MRAP2: variants seen among roughly 807,000 people sequenced by gnomAD.
MRAP2 encodes the protein melanocortin 2 receptor accessory protein 2, also known as melanocortin-2 receptor accessory protein 2.
MRAP2 carries 20 observed loss-of-function variants against 17.4 expected under a neutral mutation model. That is an observed-to-expected ratio of 1.15 (90% CI 0.81 to 1.67). The LOEUF (loss-of-function observed/expected upper bound fraction) is 1.67. Ranked by LOEUF, MRAP2 falls within the 40% of genes most tolerant of loss-of-function variation. The pLI is 0.00. For missense variants in MRAP2, 238 were observed against 240.0 expected (o/e 0.99, Z 0.05); for synonymous variants, 96 against 88.4 (o/e 1.09, Z -0.48).
chr6:84,115,768 A>G, the MRAP2 span, among the ~76,000 whole-genome samples: 1 of 152,240 alleles, frequency 6.6e-6, no homozygotes, highest in African/African-American at 2.4e-5. Context: ...AAAGTACAAC[A>G]TCTGGGCTGG....
intron 1 of MRAP2, 79 bp from the exon 2 acceptor site, chr6:84,055,233 C>T (rs938088014): frequency 1.2e-5 from 18 of 1,503,672 alleles, no homozygotes; most frequent in Middle Eastern, 3.6e-4. Flanking sequence ...CTCCTGAATG[C>T]GATCAAGAGT....
At chr6:84,035,318 TG>T in intron 1 of MRAP2, 2 of 562,708 alleles carry the variant, frequency 3.6e-6, no homozygotes, top group Non-Finnish European at 4.5e-6. Context: ...CATTGAATCC[TG>T]GCAACATTCT....
the MRAP2 span, among the ~76,000 whole-genome samples, chr6:84,122,198 C>T: frequency 2.6e-5 from 4 of 151,600 alleles, no homozygotes; most frequent in Admixed American, 6.6e-5. Flanking sequence ...GGAAGGATGC[C>T]TCCCAAACTC....
chr6:84,122,585 T>C, the MRAP2 span, among the ~76,000 whole-genome samples: 4 of 152,018 alleles, frequency 2.6e-5, no homozygotes, highest in Non-Finnish European at 4.4e-5. Flanking sequence ...ATACCTCCAA[T>C]AATAAAAGCC....
rs1409581030 is a variant in MRAP2 at position 84,033,793 on chromosome 6, G to A, written c.-98G>A. On this transcript the variant is annotated 5_prime_UTR_variant, in exon 1 of 4. Transcript: ENST00000257776. The stretch of plus-strand genomic sequence containing the variant: ...AGCTACTCGCCCGGCCCTGGGCGGT[G>A]GGAGGCGGCGGCGGCGGCGGCGCTC... 1.4e-5 allele frequency: 14 copies of A among 986,602 alleles called. No homozygotes were observed. The highest frequency in any genetic ancestry group is 1.7e-5 in the Non-Finnish European group (14 of 830,940). The allele number at this position is 986,602 out of a possible 1,614,324, so 61.1% of individuals were successfully genotyped here. A position where few individuals can be genotyped will look rare whatever the true frequency, so the allele number is the denominator to read the frequency against.
At chr6:84,134,577 C>A in the MRAP2 span, among the ~76,000 whole-genome samples, 1 of 152,124 alleles carries the variant, frequency 6.6e-6, no homozygotes, top group Non-Finnish European at 1.5e-5. Flanking sequence ...CAGTCCCTCA[C>A]GGCTTCCCTT....
At chr6:84,114,014 T>C in the MRAP2 span, among the ~76,000 whole-genome samples, 1 of 152,224 alleles carries the variant, frequency 6.6e-6, no homozygotes, top group South Asian at 2.1e-4. Flanking sequence ...TTAACATTTT[T>C]TTTGTTAATT....
chr6:84,052,339 G>A (rs979306910), intron 1 of MRAP2, among the ~76,000 whole-genome samples: 3 of 152,062 alleles, frequency 2.0e-5, no homozygotes, highest in Admixed American at 1.3e-4. Context: ...CTGCGTGGGT[G>A]GCCGAGATCA....
chr6:84,059,696 C>T (rs2099492607), intron 2 of MRAP2, among the ~76,000 whole-genome samples: 1 of 152,160 alleles, frequency 6.6e-6, no homozygotes. Flanking sequence ...TTGTTCTACC[C>T]CTTTACAATA....
the MRAP2 span, among the ~76,000 whole-genome samples, chr6:84,111,321 A>C: frequency 6.6e-6 from 1 of 152,188 alleles, no homozygotes; most frequent in Non-Finnish European, 1.5e-5. Context: ...AGTCCTTCAG[A>C]TCCCTTGTAA....
chr6:84,046,055 C>A (rs1279326435), intron 1 of MRAP2, among the ~76,000 whole-genome samples: 1 of 152,188 alleles, frequency 6.6e-6, no homozygotes, highest in Non-Finnish European at 1.5e-5. Context: ...GTGATGTGAA[C>A]CGCCATGGAA....
At chr6:84,063,425 A>T (rs77337825) in intron 3 of MRAP2, 18,246 of 984,542 alleles carry the variant, frequency 0.019, 183 homozygotes, top group Non-Finnish European at 0.021. Context: ...GTTCCTGGAT[A>T]CTCAACTCAA....
At position 84,044,246 on chromosome 6, in the gene MRAP2, G is replaced by A. The variant is rs180839885; in HGVS notation, c.-8+10363G>A. 6.4e-3 allele frequency among the ~76,000 whole-genome samples: 977 copies of A among 152,292 alleles called. 16 individuals are homozygous for A. The highest frequency in any genetic ancestry group is 0.022 in the African/African-American group (914 of 41,554). Reference sequence around the variant, plus strand: ...TTGTTGCCCAGGCTGGAGTGCAATGGCATGATCTCAGCTCACCGCCACCTC... The same window carrying A: ...TTGTTGCCCAGGCTGGAGTGCAATGACATGATCTCAGCTCACCGCCACCTC... On this transcript the variant is annotated intron_variant, in intron 1 of 3. Coordinates refer to ENST00000257776, the MANE Select transcript of MRAP2 (RefSeq NM_138409.4).
chr6:84,040,680 T>A (rs1029323110), intron 1 of MRAP2, among the ~76,000 whole-genome samples: 2 of 152,178 alleles, frequency 1.3e-5, no homozygotes, highest in Non-Finnish European at 2.9e-5. Context: ...TGTTGGTAAC[T>A]GGAGCAAAGG....
At chr6:84,126,340 A>G in the MRAP2 span, 1 of 1,458,416 alleles carries the variant, frequency 6.9e-7, no homozygotes, top group Non-Finnish European at 9.1e-7. Context: ...ACTTAAAAGT[A>G]AAGACCTATA....
chr6:84,096,219 A>G, the MRAP2 span, among the ~76,000 whole-genome samples: 18 of 152,246 alleles, frequency 1.2e-4, no homozygotes, highest in Admixed American at 8.5e-4. Flanking sequence ...CTAGTTTGCA[A>G]TGTTACTTCA....
chr6:84,093,521 CAAAGAG>C (rs2099502146), downstream of MRAP2, among the ~76,000 whole-genome samples: 1 of 151,946 alleles, frequency 6.6e-6, no homozygotes, highest in Non-Finnish European at 1.5e-5. Flanking sequence ...GACATAACAG[CAAAGAG>C]AAAGAGAAAG....
the MRAP2 span, among the ~76,000 whole-genome samples, chr6:84,107,249 T>G: frequency 6.6e-6 from 1 of 152,160 alleles, no homozygotes; most frequent in South Asian, 2.1e-4. Flanking sequence ...ATGAGTAATA[T>G]GTTGCCTCCA....
intron 3 of MRAP2, among the ~76,000 whole-genome samples, chr6:84,066,613 G>T (rs537434725): frequency 3.4e-4 from 52 of 152,116 alleles, no homozygotes; most frequent in Non-Finnish European, 4.9e-4. Flanking sequence ...CATTTTTTTT[G>T]ATTCCAGGGT....
Sources: allele counts gnomAD v4.1 joint callset (sites outside exome capture counted in the v4.1 genomes callset), GRCh38; gene constraint gnomAD v4.1.1; transcripts MANE v1.5; gene names NCBI Gene and HGNC (gene_info 2026-07-23, HGNC 2026-07-21).